RGS6: variants seen among roughly 807,000 people sequenced by gnomAD.
The protein encoded by RGS6 is regulator of G protein signaling 6.
RGS6 carries 30 observed loss-of-function variants against 78.5 expected under a neutral mutation model. The ratio of observed to expected loss-of-function variants is 0.38; its 90% CI spans 0.29 to 0.52. RGS6 has a LOEUF of 0.52. RGS6 is among the 20% of genes least tolerant of loss of function. RGS6 has a pLI of 0.85. For synonymous variants in RGS6, 206 were observed against 206.0 expected (o/e 1.00, Z 0.00); for missense variants, 495 against 609.7 (o/e 0.81, Z 1.98).
intron 2 of RGS6, among the ~76,000 whole-genome samples, chr14:72,086,983 A>T (rs768908883): frequency 6.6e-6 from 1 of 152,138 alleles, no homozygotes; most frequent in Non-Finnish European, 1.5e-5. Flanking sequence ...ACTTAAATCC[A>T]TGTATTTTCG....
chr14:72,619,248 C>G, the RGS6 span: 10 of 1,526,450 alleles, frequency 6.6e-6, no homozygotes, highest in Non-Finnish European at 7.9e-6. Flanking sequence ...TTGAACTGGG[C>G]TCTGCTTTAG....
At chr14:71,907,728 A>G in the RGS6 span, among the ~76,000 whole-genome samples, 1 of 152,136 alleles carries the variant, frequency 6.6e-6, no homozygotes, top group Non-Finnish European at 1.5e-5. Flanking sequence ...AGGGTTTTGC[A>G]GTGGCCCATG....
At chr14:72,543,301 C>G (rs1195176012) in intron 17 of RGS6, among the ~76,000 whole-genome samples, 3 of 152,136 alleles carry the variant, frequency 2.0e-5, no homozygotes, top group Admixed American at 1.3e-4. Flanking sequence ...CCTCAGCTGC[C>G]CTGGTGCAGT....
At chr14:72,392,083 A>G (rs2090120670) in intron 3 of RGS6, among the ~76,000 whole-genome samples, 1 of 151,976 alleles carries the variant, frequency 6.6e-6, no homozygotes, top group Non-Finnish European at 1.5e-5. Context: ...CAGTGGTGCA[A>G]TCTCGGCTCA....
intron 2 of RGS6, among the ~76,000 whole-genome samples, chr14:71,976,730 A>G (rs929496251): frequency 1.3e-5 from 2 of 152,066 alleles, no homozygotes; most frequent in Non-Finnish European, 2.9e-5. Flanking sequence ...ATACATGTGC[A>G]TGTGTCTTTA....
intron 2 of RGS6, among the ~76,000 whole-genome samples, chr14:72,170,183 A>T (rs760623626): frequency 1.3e-5 from 2 of 152,222 alleles, no homozygotes; most frequent in African/African-American, 2.4e-5. Context: ...CCATGTACCT[A>T]CAATGTATCC....
At chr14:72,184,369 A>AACAT in intron 2 of RGS6, among the ~76,000 whole-genome samples, 1 of 141,374 alleles carries the variant, frequency 7.1e-6, no homozygotes, top group Non-Finnish European at 1.5e-5. Flanking sequence ...TTTACTTTCA[A>AACAT]ACACACACAC....
chr14:72,395,995 G>A (rs976397395), intron 3 of RGS6, among the ~76,000 whole-genome samples: 11 of 152,018 alleles, frequency 7.2e-5, no homozygotes, highest in Non-Finnish European at 1.2e-4. Flanking sequence ...ATAAACATAC[G>A]TGAGCATGTG....
rs2097704691 is a variant in RGS6, at chr14:72,565,229, T to C, written c.*2762T>C. 6.6e-6 allele frequency: 1 copy of C among 152,246 alleles called. No individual in the cohort carries two copies. The highest frequency in any genetic ancestry group is 2.1e-4 in the South Asian group (1 of 4,828). 9.4% of individuals were successfully genotyped at this position (152,246 alleles called of 1,614,324 possible). ...GACTCCTCCCTATGAGGAAAAGTGC[T>C]CTCCAGCCACATCTTGGCAGCCCCA... is the stretch of plus-strand genomic sequence containing the variant. On this transcript the variant is annotated 3_prime_UTR_variant, in exon 18 of 18. Transcript: ENST00000553525.
chr14:72,129,023 CT>C (rs1209156522), intron 2 of RGS6, among the ~76,000 whole-genome samples: 1 of 152,192 alleles, frequency 6.6e-6, no homozygotes, highest in African/African-American at 2.4e-5. Flanking sequence ...TGTAAAGCCT[CT>C]TAAAAATTTT....
Position 72,184,413 on chromosome 14 carries a change from G to C in RGS6, c.85-167682G>C, listed in dbSNP as rs1032254521. ...ACACACACACACACACACACACACA[G>C]AAAGAGGGAGAGAAAGAGAGAGAAG... On this transcript the variant is annotated intron_variant, in intron 2 of 17. Transcript: ENST00000553525. Among the ~76,000 whole-genome samples, 423 of 98,702 alleles carry C rather than the reference G, an allele frequency of 4.3e-3. 1 individual carries two copies. Among genetic ancestry groups the C allele is most frequent in the African/African-American group, 0.015 (389 of 25,212 alleles). 64.8% of individuals were successfully genotyped at this position (98,702 alleles called of 152,430 possible). A position where few individuals can be genotyped will look rare whatever the true frequency, so the allele number is the denominator to read the frequency against.
chr14:72,160,235 TA>T (rs1310165308), intron 2 of RGS6, among the ~76,000 whole-genome samples: 2 of 152,192 alleles, frequency 1.3e-5, no homozygotes, highest in East Asian at 3.8e-4. Flanking sequence ...GGTGGGAGAA[TA>T]AAAATGATTT....
At chr14:71,988,466 C>T (rs1311746264) in intron 2 of RGS6, among the ~76,000 whole-genome samples, 4 of 152,136 alleles carry the variant, frequency 2.6e-5, no homozygotes, top group Non-Finnish European at 5.9e-5. Context: ...TATTTTGTGA[C>T]ATGTGAACAT....
chr14:71,946,640 G>A (rs1199213715), intron 1 of RGS6, among the ~76,000 whole-genome samples: 3 of 152,156 alleles, frequency 2.0e-5, no homozygotes, highest in African/African-American at 7.2e-5. Flanking sequence ...CACTGAAGAG[G>A]CTAAGTAGAT....
intron 2 of RGS6, among the ~76,000 whole-genome samples, chr14:72,237,643 T>G (rs2051461681): frequency 6.6e-6 from 1 of 152,252 alleles, no homozygotes; most frequent in South Asian, 2.1e-4. Flanking sequence ...CTGCTTGCTA[T>G]TGAGACGGGA....
intron 2 of RGS6, among the ~76,000 whole-genome samples, chr14:72,184,369 A>AAC (rs10638767): frequency 0.1 from 14,196 of 141,128 alleles, 775 homozygotes; most frequent in East Asian, 0.2. Flanking sequence ...TTTACTTTCA[A>AAC]ACACACACAC....
At chr14:72,112,000 G>A (rs2095777293) in intron 2 of RGS6, among the ~76,000 whole-genome samples, 1 of 152,144 alleles carries the variant, frequency 6.6e-6, no homozygotes, top group Non-Finnish European at 1.5e-5. Flanking sequence ...GTGCAATTTG[G>A]CTCTTTGGTT....
chr14:72,028,309 G>A (rs1252625939), intron 2 of RGS6, among the ~76,000 whole-genome samples: 3 of 152,234 alleles, frequency 2.0e-5, no homozygotes, highest in East Asian at 1.9e-4. Flanking sequence ...CCTTAGATTG[G>A]CAGCTGTTTG....
chr14:72,571,794 A>G, the RGS6 span, among the ~76,000 whole-genome samples: 11 of 147,020 alleles, frequency 7.5e-5, no homozygotes, highest in African/African-American at 2.9e-4. Context: ...GAAAACAACA[A>G]AAGAAAAAAA....
Sources: allele counts gnomAD v4.1 joint callset (sites outside exome capture counted in the v4.1 genomes callset), GRCh38; gene constraint gnomAD v4.1.1; transcripts MANE v1.5; gene names NCBI Gene and HGNC (gene_info 2026-07-23, HGNC 2026-07-21).